PAQR9: variants seen among roughly 807,000 people sequenced by gnomAD.
The protein encoded by PAQR9 is progestin and adipoQ receptor family member 9.
In PAQR9, 12 loss-of-function variants were observed where a neutral mutation model predicts 24.0. The observed-to-expected ratio is 0.50, with a 90% CI of 0.32 to 0.81. The LOEUF (loss-of-function observed/expected upper bound fraction) is 0.81, where lower values mean the gene tolerates loss of function less well. Among genes scored for constraint, PAQR9 ranks in the 30% least tolerant of loss-of-function variants. The pLI, the probability that PAQR9 is intolerant of heterozygous loss-of-function variation, is 0.03. For synonymous variants in PAQR9, 266 were observed against 237.6 expected (o/e 1.12, Z -1.10); for missense variants, 418 against 520.8 (o/e 0.80, Z 1.92).
chr3:142,959,881 C>T lies in PAQR9; in HGVS notation c.*2322G>A, dbSNP rs1934860384. ...CAAAGAAACTACATAATACGCTTCA[C>T]CCTGTTTCTCTAGCTTCCAAACCAA... On this transcript the variant is annotated 3_prime_UTR_variant, in exon 1 of 1. Coordinates refer to ENST00000340634, the MANE Select transcript of PAQR9 (RefSeq NM_198504.4). Among the ~76,000 whole-genome samples the T allele has an allele frequency of 1.3e-5, 2 of 152,204 alleles. 1 individual carries two copies. The highest frequency in any genetic ancestry group is 4.8e-5 in the African/African-American group (2 of 41,446).
Position 142,955,192 on chromosome 3 carries a change from A to G in PAQR9, c.*7011T>C, listed in dbSNP as rs1200287155. Reference sequence around the variant, plus strand: ...TTCAAGTATAATGCCCTTTACTGCAAAAGGGGACCTGCTGGTTGTACATTC... The same window carrying G: ...TTCAAGTATAATGCCCTTTACTGCAGAAGGGGACCTGCTGGTTGTACATTC... On this transcript the variant is annotated 3_prime_UTR_variant, in exon 1 of 1. Coordinates refer to ENST00000340634, the MANE Select transcript of PAQR9 (RefSeq NM_198504.4). Among the ~76,000 whole-genome samples the G allele has an allele frequency of 6.6e-6, 1 of 152,116 alleles. No individual in the cohort carries two copies. Among genetic ancestry groups the G allele is most frequent in the African/African-American group, 2.4e-5 (1 of 41,430 alleles).
chr3:142,962,380 G>A lies in PAQR9; in HGVS notation c.957C>T (p.Phe319=), dbSNP rs141024906. The change falls in exon 1 of 1, where the codon TTC becomes TTT. Residue 319 remains phenylalanine, a synonymous_variant. Transcript: ENST00000340634. The part of the protein sequence containing the change: ...HSHQLFHIFT[F]LSIYDQVYYV... ...AGTACACCTGGTCGTAGATGCTGAG[G>A]AAGGTGAAGATGTGGAAGAGCTGGT... The A allele has an allele frequency of 2.9e-3, 4,621 of 1,614,196 alleles. 15 individuals are homozygous for A. Among genetic ancestry groups the A allele is most frequent in the Non-Finnish European group, 3.5e-3 (4,135 of 1,180,036 alleles).
At position 142,963,037 on chromosome 3, in the gene PAQR9, CT is replaced by C; in HGVS notation, c.299del (p.Lys100SerfsTer8). The C allele has an allele frequency of 6.2e-7, 1 of 1,614,204 alleles. No homozygotes were observed. Among genetic ancestry groups the C allele is most frequent in the Non-Finnish European group, 8.5e-7 (1 of 1,180,026 alleles). ...CGCTCAGGAAGAACAGACGGCAGAA[CT>C]TGCTCAGGAACAGCAGCAGCGGGAT... is the stretch of plus-strand genomic sequence containing the variant. ...HFIPLLLFLS[K>X]FCRLFFLSGG... On this transcript the variant is annotated frameshift_variant, in exon 1 of 1. Transcript: ENST00000340634. LOFTEE classifies it high-confidence loss of function.
At chr3:142,963,685 C>T (rs1013294556), upstream of PAQR9, 7 of 638,018 alleles carry the variant, frequency 1.1e-5, no homozygotes, top group African/African-American at 1.0e-4. Flanking sequence ...GGGCATCGCG[C>T]GGTGCGGGTG....
In PAQR9 at chr3:142,962,068, T is replaced by A. The variant is rs2108243084; in HGVS notation, c.*135A>T. ...TTGGGATCCCTTTGTAGCAGTGAAC[T>A]TTTTCCCTATGGTTTTGCAGCACCT... On this transcript the variant is annotated 3_prime_UTR_variant, in exon 1 of 1. Coordinates refer to ENST00000340634, the MANE Select transcript of PAQR9 (RefSeq NM_198504.4). 9.0e-7 allele frequency: 1 copy of A among 1,116,514 alleles called. No individual in the cohort carries two copies. The highest frequency in any genetic ancestry group is 2.4e-5 in the East Asian group (1 of 42,364). 69.2% of individuals were successfully genotyped at this position (1,116,514 alleles called of 1,614,324 possible). A position where few individuals can be genotyped will look rare whatever the true frequency, so the allele number is the denominator to read the frequency against.
rs775593555 is a variant in PAQR9 at position 142,958,179 on chromosome 3, T to C, written c.*4024A>G. On this transcript the variant is annotated 3_prime_UTR_variant, in exon 1 of 1. Coordinates refer to ENST00000340634, the MANE Select transcript of PAQR9 (RefSeq NM_198504.4). Reference sequence around the variant, plus strand: ...AAACTTCAACAGTTGAAGAACAAGATGGTAACAACCATTTTAAGTGGCTGA... The same window carrying C: ...AAACTTCAACAGTTGAAGAACAAGACGGTAACAACCATTTTAAGTGGCTGA... Among the ~76,000 whole-genome samples, 2 of 152,246 alleles carry C rather than the reference T, an allele frequency of 1.3e-5. No homozygotes were observed. The highest frequency in any genetic ancestry group is 2.4e-5 in the African/African-American group (1 of 41,464).
In PAQR9 at chr3:142,958,784, T is replaced by C. The variant is rs1412520833; in HGVS notation, c.*3419A>G. On this transcript the variant is annotated 3_prime_UTR_variant, in exon 1 of 1. Transcript: ENST00000340634. ...TTCTCCCTGGGCTATTTATAGAAAG[T>C]GTATGGCTAGTGGAAAAGTTCACAT... Among the ~76,000 whole-genome samples the C allele has an allele frequency of 6.6e-6, 1 of 152,180 alleles. No homozygotes were observed. Among genetic ancestry groups the C allele is most frequent in the Non-Finnish European group, 1.5e-5 (1 of 68,040 alleles).
downstream of PAQR9, chr3:142,950,546 T>C (rs969639259): frequency 2.2e-6 from 1 of 445,252 alleles, no homozygotes; most frequent in African/African-American, 2.0e-5. Context: ...CAATATTCTT[T>C]CATTACAGGA....
In PAQR9 at chr3:142,962,554, G is replaced by A; in HGVS notation, c.783C>T (p.Ser261=). Residue 261 remains serine, a synonymous_variant, in exon 1 of 1, where the codon AGC becomes AGT. Coordinates refer to ENST00000340634, the MANE Select transcript of PAQR9 (RefSeq NM_198504.4). ...LSMACPIMLE[S]WLFDLRGENP... is the part of the protein sequence containing the mutation. ...TCTCCCCACGCAGGTCGAAGAGCCA[G>A]CTCTCGAGCATAATGGGGCAGGCCA... The A allele has an allele frequency of 6.2e-7, 1 of 1,613,966 alleles. No individual in the cohort carries two copies. Among genetic ancestry groups the A allele is most frequent in the Non-Finnish European group, 8.5e-7 (1 of 1,180,014 alleles).
downstream of PAQR9, chr3:142,951,886 GA>G: frequency 2.5e-6 from 1 of 404,576 alleles, no homozygotes; most frequent in Non-Finnish European, 4.8e-6. Flanking sequence ...GAGGATCTCA[GA>G]AAAGTCTATC....
rs191595244 is a variant in PAQR9 at position 142,955,142 on chromosome 3, C to A, written c.*7061G>T. 4.7e-4 allele frequency among the ~76,000 whole-genome samples: 71 copies of A among 152,168 alleles called. 1 individual carries two copies. Among genetic ancestry groups the A allele is most frequent in the African/African-American group, 1.7e-3 (70 of 41,512 alleles). ...TGTTAACTCTTCCCTCTGCCTCTGA[C>A]CTGAGGAAAAAATGAGTATGCCCCT... On this transcript the variant is annotated 3_prime_UTR_variant, in exon 1 of 1. Transcript: ENST00000340634.
chr3:142,950,491 T>A (rs1478909136), downstream of PAQR9: 1 of 362,966 alleles, frequency 2.8e-6, no homozygotes, highest in African/African-American at 2.1e-5. Flanking sequence ...AGTGACAACT[T>A]CTAAGCTCCT....
At chr3:142,949,748 A>G (rs1367276958), downstream of PAQR9, 4 of 152,136 alleles carry the variant, frequency 2.6e-5, no homozygotes, top group South Asian at 2.1e-4. Context: ...TCTATGTGGA[A>G]TATCATTTCC....
chr3:142,963,655 G>T lies in PAQR9; in HGVS notation c.-319C>A. The T allele has an allele frequency of 1.6e-6, 1 of 614,818 alleles. No homozygotes were observed. Among genetic ancestry groups the T allele is most frequent in the Non-Finnish European group, 2.0e-6 (1 of 493,714 alleles). The allele number at this position is 614,818 out of a possible 1,614,324, so 38.1% of individuals were successfully genotyped here. ...GGCGGCGGCGCGGCTGACTGCGGCG[G>T]CAGCGCGGCAGCGGTGACTGGGCAT... On this transcript the variant is annotated 5_prime_UTR_variant, in exon 1 of 1. Transcript: ENST00000340634.
chr3:142,952,380 A>T (rs1934728321), downstream of PAQR9, among the ~76,000 whole-genome samples: 2 of 152,202 alleles, frequency 1.3e-5, no homozygotes, highest in South Asian at 2.1e-4. Flanking sequence ...ATCTGTACTT[A>T]AAAAATGAAG....
In PAQR9 at chr3:142,962,449, G is replaced by A. The variant is rs376666344; in HGVS notation, c.888C>T (p.Pro296=). The change falls in exon 1 of 1, where the codon CCC becomes CCT. Residue 296 remains proline (P), a synonymous_variant. Transcript: ENST00000340634. ...CGAAAAGACCCGGCTGGATGCGCTCGGGGATCTTGCTCACGTTGAAGAAGG... is the reference window on the plus strand; with the variant it reads ...CGAAAAGACCCGGCTGGATGCGCTCAGGGATCTTGCTCACGTTGAAGAAGG... ...VAAFFNVSKI[P]ERIQPGLFDI... is the part of the protein sequence containing the mutation. The A allele has an allele frequency of 8.7e-6, 14 of 1,613,688 alleles. No homozygotes were observed. Among genetic ancestry groups the A allele is most frequent in the African/African-American group, 1.3e-5 (1 of 74,942 alleles).
chr3:142,952,362 T>C (rs1934728061), downstream of PAQR9, among the ~76,000 whole-genome samples: 1 of 152,182 alleles, frequency 6.6e-6, no homozygotes, highest in South Asian at 2.1e-4. Context: ...TGAATCCTAA[T>C]ACAGCATATC....
In PAQR9 at chr3:142,962,760, G is replaced by GC; in HGVS notation, c.576dup (p.Gln193AlafsTer184). The GC allele has an allele frequency of 6.2e-7, 1 of 1,612,600 alleles. No individual in the cohort carries two copies. Among genetic ancestry groups the GC allele is most frequent in the Non-Finnish European group, 8.5e-7 (1 of 1,179,716 alleles). ...TCCACGTGCCAGCCCAGGCGCTGCTGCAAGTATGGAGTCATGACTCTGGCA... is the reference window on the plus strand; with the variant it reads ...TCCACGTGCCAGCCCAGGCGCTGCTGCCAAGTATGGAGTCATGACTCTGGCA... On this transcript the variant is annotated frameshift_variant, in exon 1 of 1. Transcript: ENST00000340634. LOFTEE classifies it high-confidence loss of function.
chr3:142,951,395 T>A (rs1179448937), downstream of PAQR9, among the ~76,000 whole-genome samples: 1 of 152,244 alleles, frequency 6.6e-6, no homozygotes, highest in Non-Finnish European at 1.5e-5. Context: ...ATTCAGAACC[T>A]GCTTTGTTTT....
Sources: allele counts gnomAD v4.1 joint callset (sites outside exome capture counted in the v4.1 genomes callset), GRCh38; gene constraint gnomAD v4.1.1; transcripts MANE v1.5; gene names NCBI Gene and HGNC (gene_info 2026-07-23, HGNC 2026-07-21).